TRIM8: variants seen among roughly 807,000 people sequenced by gnomAD.
TRIM8 encodes the protein tripartite motif containing 8.
In TRIM8, 9 loss-of-function variants were observed where a neutral mutation model predicts 55.7. The ratio of observed to expected loss-of-function variants is 0.16; its 90% CI spans 0.10 to 0.28. TRIM8 has a LOEUF of 0.28. TRIM8 is among the 10% of genes least tolerant of loss of function. The pLI, the probability that TRIM8 is intolerant of heterozygous loss-of-function variation, is 1.00. For synonymous variants in TRIM8, 335 were observed against 333.3 expected (o/e 1.01, Z -0.06); for missense variants, 556 against 736.4 (o/e 0.76, Z 2.83).
chr10:102,652,086 G>T (rs1213467801), intron 1 of TRIM8, among the ~76,000 whole-genome samples: 1 of 152,174 alleles, frequency 6.6e-6, no homozygotes, highest in African/African-American at 2.4e-5. Flanking sequence ...GCAGGGCAAG[G>T]TCTCCCAGGC....
At chr10:102,651,998 C>T (rs1240152077) in intron 1 of TRIM8, among the ~76,000 whole-genome samples, 3 of 152,198 alleles carry the variant, frequency 2.0e-5, no homozygotes, top group Admixed American at 6.5e-5. Context: ...CTGCGCCTGC[C>T]CACTCATGCT....
At position 102,656,189 on chromosome 10, in the gene TRIM8, G is replaced by T. The variant is rs772018148; in HGVS notation, c.932+52G>T. 6.2e-7 allele frequency: 1 copy of T among 1,614,042 alleles called. No individual in the cohort carries two copies. The highest frequency in any genetic ancestry group is 8.5e-7 in the Non-Finnish European group (1 of 1,180,018). ...GGGGCACATCCTGGGGAGGGCAGGG[G>T]GGCCAGGCCCATGGCGGGGAGGTAG... On this transcript the variant is annotated intron_variant, in intron 4 of 5. Coordinates refer to ENST00000643721, the MANE Select transcript of TRIM8 (RefSeq NM_030912.3). This position sits in a 1 kb window ranked among gnomAD's most constrained non-coding sequence, Gnocchi z 4.6.
intron 1 of TRIM8, among the ~76,000 whole-genome samples, chr10:102,650,502 G>T (rs1008606035): frequency 3.3e-5 from 5 of 152,172 alleles, no homozygotes; most frequent in African/African-American, 1.2e-4. Context: ...GTCCTCCCTG[G>T]GCCCCACCTA....
Position 102,655,227 on chromosome 10 carries a change from C to T in TRIM8, c.814C>T (p.Leu272Phe), listed in dbSNP as rs79218728. The change falls in exon 3 of 6, where the codon CTC becomes TTC. Residue 272 changes from leucine (L) to phenylalanine (F), a missense_variant. This residue lies in a region of TRIM8 where 391 missense variants were observed against 441.0 expected (regional missense o/e 0.89). Transcript: ENST00000643721. ...CGAGAACGCAGCGCAGGCGCTGCACCTCGGGGAGCGCATGCAGGAGGCCAA... is the reference window on the plus strand; with the variant it reads ...CGAGAACGCAGCGCAGGCGCTGCACTTCGGGGAGCGCATGCAGGAGGCCAA... The part of the protein sequence containing the change: ...CSENAAQALH[L>F]GERMQEAKKL... The T allele has an allele frequency of 1.4e-3, 2,212 of 1,605,180 alleles. 60 individuals are homozygous for T. In the East Asian group the frequency reaches 0.047, roughly 34 times the overall value.
In TRIM8 at chr10:102,657,049, G is replaced by C; in HGVS notation, c.1351G>C (p.Ala451Pro). ...FPPSQYPNGSAAQQPMLPQYG... is the reference protein window; with the variant it reads ...FPPSQYPNGSPAQQPMLPQYG... ...CCCATCGCAGTATCCCAATGGCTCCGCCGCCCAGCAGCCCATGCTCCCCCA... is the reference window on the plus strand; with the variant it reads ...CCCATCGCAGTATCCCAATGGCTCCCCCGCCCAGCAGCCCATGCTCCCCCA... The change falls in exon 6 of 6, where the codon GCC becomes CCC. Residue 451 changes from alanine to proline, a missense_variant. This residue lies in a region of TRIM8 where 391 missense variants were observed against 441.0 expected (regional missense o/e 0.89). Transcript: ENST00000643721. 1 of 1,613,024 alleles carries C rather than the reference G, an allele frequency of 6.2e-7. No individual in the cohort carries two copies.
At chr10:102,645,231 A>G in intron 1 of TRIM8, 44 bp downstream of exon 1, 1 of 1,465,932 alleles carries the variant, frequency 6.8e-7, no homozygotes, top group Non-Finnish European at 9.0e-7. Flanking sequence ...ACACACAGAC[A>G]CACAGTCCCT....
chr10:102,655,019 G>A (rs771232152), intron 2 of TRIM8, 61 bp from the exon 3 acceptor site: 1 of 1,561,504 alleles, frequency 6.4e-7, no homozygotes, highest in African/African-American at 1.4e-5. Context: ...GGTAAGAGGG[G>A]GGGAAACCAA....
At chr10:102,649,162 C>T (rs1270154062) in intron 1 of TRIM8, 2 of 152,312 alleles carry the variant, frequency 1.3e-5, no homozygotes, top group Non-Finnish European at 2.9e-5. Context: ...GACTTCAGTC[C>T]CTAGTTGCGC....
intron 1 of TRIM8, among the ~76,000 whole-genome samples, chr10:102,652,909 T>C (rs2135981532): frequency 6.6e-6 from 1 of 152,140 alleles, no homozygotes; most frequent in African/African-American, 2.4e-5. Context: ...GTTCAAGTGA[T>C]TCTCCTGCCT....
At position 102,644,808 on chromosome 10, in the gene TRIM8, G is replaced by C; in HGVS notation, c.191G>C (p.Gly64Ala). The stretch of plus-strand genomic sequence containing the variant: ...AACCAGGCCTACAACCAGAAGCCGG[G>C]CCTGGAGAAGAACCTGAAGCTCACC... Reference protein sequence around the residue: ...ECNQAYNQKPGLEKNLKLTNI... With the variant: ...ECNQAYNQKPALEKNLKLTNI... Residue 64 changes from glycine (G) to alanine (A), a missense_variant, in exon 1 of 6, where the codon GGC (glycine) becomes GCC (alanine). Physicochemically the swap from Gly to Ala is moderately conservative, Grantham distance 60 (BLOSUM62 0). This residue lies in a region of TRIM8 where 165 missense variants were observed against 295.3 expected (regional missense o/e 0.56). Transcript: ENST00000643721. The C allele has an allele frequency of 1.9e-6, 3 of 1,613,238 alleles. No individual in the cohort carries two copies. Among genetic ancestry groups the C allele is most frequent in the Non-Finnish European group, 2.5e-6 (3 of 1,179,878 alleles).
intron 1 of TRIM8, chr10:102,645,964 CG>C (rs2063931776): frequency 6.6e-6 from 1 of 152,260 alleles, no homozygotes; most frequent in Non-Finnish European, 1.5e-5. Flanking sequence ...AAGTGGAAGA[CG>C]GAAAAAGAAT....
chr10:102,655,449 C>A, intron 3 of TRIM8, 136 bp downstream of exon 3: 1 of 823,400 alleles, frequency 1.2e-6, no homozygotes, highest in Non-Finnish European at 1.9e-6. Flanking sequence ...CACCTGCCTG[C>A]TCTTTCTAGC....
At position 102,656,681 on chromosome 10, in the gene TRIM8, C is replaced by T. The variant is rs1316289881; in HGVS notation, c.1049-66C>T. ...GTGTCAATGGTCCCCAGGTCCAACCCAGGGAGAGGAGGCCTGGGTTGCTTG... is the reference window on the plus strand; with the variant it reads ...GTGTCAATGGTCCCCAGGTCCAACCTAGGGAGAGGAGGCCTGGGTTGCTTG... On this transcript the variant is annotated intron_variant, in intron 5 of 5. Transcript: ENST00000643721. This position sits in a 1 kb window ranked among gnomAD's most constrained non-coding sequence, Gnocchi z 4.6. The T allele has an allele frequency of 6.6e-7, 1 of 1,505,564 alleles. No homozygotes were observed. The highest frequency in any genetic ancestry group is 1.4e-5 in the African/African-American group (1 of 71,382). 93.3% of individuals were successfully genotyped at this position (1,505,564 alleles called of 1,614,324 possible). A position where few individuals can be genotyped will look rare whatever the true frequency, so the allele number is the denominator to read the frequency against.
At chr10:102,645,314 C>T in intron 1 of TRIM8, 127 bp downstream of exon 1, 1 of 1,093,636 alleles carries the variant, frequency 9.1e-7, no homozygotes, top group Non-Finnish European at 1.2e-6. Flanking sequence ...GGCCCCTGGC[C>T]AAACTCTTCT....
chr10:102,646,430 T>C (rs1249319539), intron 1 of TRIM8, among the ~76,000 whole-genome samples: 1 of 152,054 alleles, frequency 6.6e-6, no homozygotes, highest in Non-Finnish European at 1.5e-5. Context: ...CAGGGCATGA[T>C]TGGAGATGGG....
In TRIM8 at chr10:102,656,045, C is replaced by T. The variant is rs1429134626; in HGVS notation, c.901-61C>T. The T allele has an allele frequency of 1.3e-6, 2 of 1,591,114 alleles. No individual in the cohort carries two copies. Among genetic ancestry groups the T allele is most frequent in the East Asian group, 2.2e-5 (1 of 44,682 alleles). On this transcript the variant is annotated intron_variant, in intron 3 of 5. Coordinates refer to ENST00000643721, the MANE Select transcript of TRIM8 (RefSeq NM_030912.3). This position sits in a 1 kb window ranked among gnomAD's most constrained non-coding sequence, Gnocchi z 4.6. Reference sequence around the variant, plus strand: ...GGGGGGGCAGCTTTTGTCTTCCCCTCTCCCCGGGCTCTCCCTGGACTGCCT... The same window carrying T: ...GGGGGGGCAGCTTTTGTCTTCCCCTTTCCCCGGGCTCTCCCTGGACTGCCT...
In TRIM8 at chr10:102,658,160, G is replaced by T. The variant is rs182250999; in HGVS notation, c.*806G>T. 1 of 152,198 alleles carries T rather than the reference G, an allele frequency of 6.6e-6. No homozygotes were observed. 9.4% of individuals were successfully genotyped at this position (152,198 alleles called of 1,614,324 possible). ...CAGCAGGGAGGAGGGGCTGCCCGGA[G>T]TTGGGTCCTTGCCTGGATTTTGACA... On this transcript the variant is annotated 3_prime_UTR_variant, in exon 6 of 6. Coordinates refer to ENST00000643721, the MANE Select transcript of TRIM8 (RefSeq NM_030912.3).
intron 1 of TRIM8, 156 bp from the exon 2 acceptor site, chr10:102,654,497 G>A: frequency 1.5e-6 from 1 of 677,396 alleles, no homozygotes; most frequent in Non-Finnish European, 2.7e-6. Context: ...CTGGGAATAG[G>A]CCCCTGGGAT....
intron 1 of TRIM8, among the ~76,000 whole-genome samples, chr10:102,650,012 C>T (rs373994706): frequency 1.3e-4 from 19 of 151,754 alleles, no homozygotes; most frequent in Middle Eastern, 6.8e-3. Flanking sequence ...GGCTGCCCAG[C>T]CCCCTCTTCT....
Sources: gnomAD v4.1 joint callset for allele counts (sites outside exome capture counted in the v4.1 genomes callset) on GRCh38, gnomAD v4.1.1 for gene constraint, gnomAD v4.1.1 regional missense constraint, Gnocchi (gnomAD v3.1) non-coding constraint, MANE v1.5 for transcripts, NCBI Gene and HGNC (gene_info 2026-07-23, HGNC 2026-07-21) for gene names.